Variants in GRID2 observed in about 807,000 individuals in gnomAD.
GRID2 encodes the protein glutamate ionotropic receptor delta type subunit 2, also known as glutamate receptor ionotropic, delta-2.
Under a neutral mutation model 114.8 loss-of-function variants are expected in GRID2, and 33 were observed. The observed-to-expected ratio is 0.29, with a 90% CI of 0.22 to 0.38. The LOEUF is 0.38. Ranked by LOEUF, GRID2 falls within the 10% of genes least tolerant of loss-of-function variation. The pLI is 1.00. For synonymous variants in GRID2, 505 were observed against 449.9 expected (o/e 1.12, Z -1.55); for missense variants, 1,184 against 1,257.7 (o/e 0.94, Z 0.89).
intron 1 of GRID2, among the ~76,000 whole-genome samples, chr4:93,801,945 A>T (rs142639342): frequency 1.2e-4 from 19 of 152,368 alleles, no homozygotes; most frequent in Admixed American, 1.2e-3. Flanking sequence ...TATAGCATAT[A>T]TCCCTTTAAA....
intron 8 of GRID2, among the ~76,000 whole-genome samples, chr4:93,296,951 T>C (rs1328963117): frequency 1.3e-5 from 2 of 152,194 alleles, no homozygotes; most frequent in African/African-American, 4.8e-5. Context: ...TCCAAAACTT[T>C]GAATTACTTT....
intron 2 of GRID2, among the ~76,000 whole-genome samples, chr4:92,996,348 C>T (rs1755197764): frequency 6.6e-6 from 1 of 151,740 alleles, no homozygotes; most frequent in South Asian, 2.1e-4. Flanking sequence ...ATGTTTGCTA[C>T]TAAAAGGTTT....
At chr4:92,421,871 A>T (rs1448668341) in intron 1 of GRID2, among the ~76,000 whole-genome samples, 1 of 152,166 alleles carries the variant, frequency 6.6e-6, no homozygotes, top group African/African-American at 2.4e-5. Context: ...CAAATCTGCA[A>T]GGGATGCTTG....
chr4:93,157,269 C>A (rs958210729), intron 4 of GRID2, among the ~76,000 whole-genome samples: 1 of 151,592 alleles, frequency 6.6e-6, no homozygotes, highest in African/African-American at 2.4e-5. Flanking sequence ...CTCCCCAGTT[C>A]CAAAACCAGG....
At chr4:93,462,022 T>A (rs945297172) in intron 11 of GRID2, among the ~76,000 whole-genome samples, 1 of 152,196 alleles carries the variant, frequency 6.6e-6, no homozygotes, top group Non-Finnish European at 1.5e-5. Flanking sequence ...GATGTTTGTG[T>A]CTGATTATGG....
chr4:93,036,173 C>A (rs1295142333), intron 2 of GRID2, among the ~76,000 whole-genome samples: 1 of 152,070 alleles, frequency 6.6e-6, no homozygotes, highest in Non-Finnish European at 1.5e-5. Context: ...CAATAATCTT[C>A]TTATAACCTA....
chr4:92,529,663 G>A (rs568371294), intron 1 of GRID2, among the ~76,000 whole-genome samples: 1 of 152,156 alleles, frequency 6.6e-6, no homozygotes, highest in African/African-American at 2.4e-5. Context: ...TGAAAGGCCT[G>A]GCTTGGATTT....
At chr4:92,478,440 T>C (rs1031139653) in intron 1 of GRID2, among the ~76,000 whole-genome samples, 11 of 152,136 alleles carry the variant, frequency 7.2e-5, no homozygotes, top group African/African-American at 2.2e-4. Flanking sequence ...ATCTTAATGA[T>C]AGAAGACAGC....
chr4:93,448,121 A>G (rs1214908231), intron 10 of GRID2, among the ~76,000 whole-genome samples: 1 of 151,896 alleles, frequency 6.6e-6, no homozygotes, highest in African/African-American at 2.4e-5. Flanking sequence ...TGTTCTAAAA[A>G]TGAAAGAATG....
At chr4:92,919,088 A>G (rs920485905) in intron 2 of GRID2, among the ~76,000 whole-genome samples, 1 of 152,078 alleles carries the variant, frequency 6.6e-6, no homozygotes, top group African/African-American at 2.4e-5. Flanking sequence ...GGAAGAGTGT[A>G]TGTGTTGAGG....
At position 92,311,097 on chromosome 4, in the gene GRID2, C is replaced by T. The variant is rs79295436; in HGVS notation, c.88+6353C>T. Reference sequence around the variant, plus strand: ...ATTAGTACCAAGGTGTTACCTACAGCATCACTCCTATAGAACACTGCAAAA... The same window carrying T: ...ATTAGTACCAAGGTGTTACCTACAGTATCACTCCTATAGAACACTGCAAAA... On this transcript the variant is annotated intron_variant, in intron 1 of 15. Coordinates refer to ENST00000282020, the MANE Select transcript of GRID2 (RefSeq NM_001510.4). Among the ~76,000 whole-genome samples the T allele has an allele frequency of 7.5e-3, 1,141 of 152,110 alleles. 13 individuals are homozygous for T. Among genetic ancestry groups the T allele is most frequent in the African/African-American group, 0.027 (1,108 of 41,528 alleles).
intron 2 of GRID2, among the ~76,000 whole-genome samples, chr4:92,783,863 G>A (rs960424335): frequency 5.9e-5 from 9 of 151,614 alleles, no homozygotes; most frequent in Admixed American, 1.3e-4. Flanking sequence ...CTCTAGCCTG[G>A]GTGACAGAGT....
At chr4:92,770,063 T>G (rs1432013549) in intron 2 of GRID2, among the ~76,000 whole-genome samples, 1 of 152,226 alleles carries the variant, frequency 6.6e-6, no homozygotes, top group Admixed American at 6.5e-5. Flanking sequence ...CTTATAAAAC[T>G]GAATGCTTTT....
chr4:92,814,763 T>G (rs183445336), intron 2 of GRID2, among the ~76,000 whole-genome samples: 13 of 152,242 alleles, frequency 8.5e-5, no homozygotes, highest in African/African-American at 3.1e-4. Flanking sequence ...CCACAGGAAG[T>G]GCTGGGCTTC....
chr4:92,385,970 A>G (rs2110249730), intron 1 of GRID2, among the ~76,000 whole-genome samples: 1 of 150,118 alleles, frequency 6.7e-6, no homozygotes, highest in South Asian at 2.1e-4. Context: ...CTCCAATAGG[A>G]AAAAAAATAT....
intron 3 of GRID2, among the ~76,000 whole-genome samples, chr4:93,107,238 G>A (rs1043920366): frequency 2.0e-5 from 3 of 152,096 alleles, no homozygotes; most frequent in Admixed American, 1.3e-4. Flanking sequence ...GGTGGAGGTT[G>A]CAATGAGCTG....
chr4:92,555,152 G>A (rs1459914682), intron 1 of GRID2, among the ~76,000 whole-genome samples: 1 of 152,058 alleles, frequency 6.6e-6, no homozygotes, highest in Non-Finnish European at 1.5e-5. Context: ...ATGCCAAGTC[G>A]AGGAGTGTGA....
At chr4:93,136,728 T>C (rs968086000) in intron 4 of GRID2, among the ~76,000 whole-genome samples, 3 of 152,176 alleles carry the variant, frequency 2.0e-5, no homozygotes, top group African/African-American at 7.2e-5. Flanking sequence ...TCTTTAAAGA[T>C]ACTTTATTGT....
intron 1 of GRID2, among the ~76,000 whole-genome samples, chr4:92,479,811 A>T (rs191790963): frequency 1.1e-3 from 167 of 152,262 alleles, no homozygotes; most frequent in Non-Finnish European, 1.7e-3. Context: ...AGCTAAAAAC[A>T]TGTTATTGAG....
Sources: allele counts gnomAD v4.1 joint callset (sites outside exome capture counted in the v4.1 genomes callset), GRCh38; gene constraint gnomAD v4.1.1; transcripts MANE v1.5; gene names NCBI Gene and HGNC (gene_info 2026-07-23, HGNC 2026-07-21).